The following PTGFR variants were observed in gnomAD, a reference collection of about 807,000 sequenced individuals.
PTGFR encodes the protein prostaglandin F receptor, also known as prostaglandin F2-alpha receptor.
In PTGFR, 15 loss-of-function variants were observed where a neutral mutation model predicts 26.2. That is an observed-to-expected ratio of 0.57 (90% CI 0.38 to 0.88). The LOEUF (loss-of-function observed/expected upper bound fraction) is 0.88. Among genes scored for constraint, PTGFR ranks in the 40% least tolerant of loss-of-function variants. The pLI, the probability that PTGFR is intolerant of heterozygous loss-of-function variation, is 0.00. For synonymous variants in PTGFR, 165 were observed against 151.1 expected (o/e 1.09, Z -0.68); for missense variants, 369 against 427.2 (o/e 0.86, Z 1.20).
intron 2 of PTGFR, among the ~76,000 whole-genome samples, chr1:78,529,305 C>A (rs1300098936): frequency 6.6e-6 from 1 of 152,120 alleles, no homozygotes; most frequent in African/African-American, 2.4e-5. Context: ...CAACTAATTA[C>A]TGGACTAGTT....
intron 2 of PTGFR, chr1:78,532,081 A>G: frequency 3.2e-6 from 1 of 310,684 alleles, no homozygotes. Flanking sequence ...AGGGAAGGGC[A>G]GGGAACATGG....
chr1:78,528,679 C>T (rs746099073), intron 2 of PTGFR, among the ~76,000 whole-genome samples: 2 of 152,064 alleles, frequency 1.3e-5, no homozygotes, highest in African/African-American at 2.4e-5. Flanking sequence ...ACACTCTTCT[C>T]ATTTAAAACT....
Position 78,538,468 on chromosome 1 carries a change from A to G in PTGFR, c.*1781A>G, listed in dbSNP as rs1650710720. The G allele has an allele frequency of 6.6e-6, 1 of 151,764 alleles. No individual in the cohort carries two copies. The highest frequency in any genetic ancestry group is 1.5e-5 in the Non-Finnish European group (1 of 67,940). 9.4% of individuals were successfully genotyped at this position (151,764 alleles called of 1,614,324 possible). A position where few individuals can be genotyped will look rare whatever the true frequency, so the allele number is the denominator to read the frequency against. ...GGAGGGTTATCTATGTTATCTGAGT[A>G]TATGTTTGGGTAACCAAATTGGTCT... On this transcript the variant is annotated 3_prime_UTR_variant, in exon 3 of 3. Coordinates refer to ENST00000370757, the MANE Select transcript of PTGFR (RefSeq NM_000959.4).
intron 2 of PTGFR, chr1:78,532,364 TTATATATATATATATATATATATA>T (rs200848855): frequency 3.5e-5 from 3 of 85,226 alleles, no homozygotes; most frequent in South Asian, 5.1e-4. Flanking sequence ...GTAAATTCAT[TTATATATATATATATATATATATA>T]TATATATATG....
chr1:78,521,703 GC>G (rs1465853585), intron 2 of PTGFR, among the ~76,000 whole-genome samples: 1 of 151,804 alleles, frequency 6.6e-6, no homozygotes, highest in African/African-American at 2.4e-5. Context: ...GTTTCTTATA[GC>G]ATTGTCAATA....
chr1:78,509,455 A>G (rs1055428682), intron 2 of PTGFR, among the ~76,000 whole-genome samples: 6 of 152,242 alleles, frequency 3.9e-5, no homozygotes, highest in Non-Finnish European at 8.8e-5. Context: ...AGAATTGCAT[A>G]TAAAGAACTG....
In PTGFR at chr1:78,515,125, A is replaced by G. The variant is rs115339603; in HGVS notation, c.799-21281A>G. Among the ~76,000 whole-genome samples, 349 of 152,250 alleles carry G rather than the reference A, an allele frequency of 2.3e-3. 2 individuals are homozygous for G. Among genetic ancestry groups the G allele is most frequent in the African/African-American group, 7.5e-3 (312 of 41,540 alleles). On this transcript the variant is annotated intron_variant, in intron 2 of 2. Transcript: ENST00000370757. ...GACATAAGATTTGGAGAGGACAAAC[A>G]TCTAAACTATATTGATAAAGTTTTC...
intron 2 of PTGFR, among the ~76,000 whole-genome samples, chr1:78,509,176 C>A (rs1367946033): frequency 6.6e-6 from 1 of 152,150 alleles, no homozygotes; most frequent in African/African-American, 2.4e-5. Flanking sequence ...TCTGCTAAAT[C>A]AGAAAGGAAT....
chr1:78,519,037 G>T (rs1269417727), intron 2 of PTGFR, among the ~76,000 whole-genome samples: 1 of 152,064 alleles, frequency 6.6e-6, no homozygotes, highest in Admixed American at 6.6e-5. Flanking sequence ...AACTGTTTAG[G>T]TTTCCTAATT....
chr1:78,514,186 C>A (rs1451508073), intron 2 of PTGFR, among the ~76,000 whole-genome samples: 1 of 152,214 alleles, frequency 6.6e-6, no homozygotes, highest in East Asian at 1.9e-4. Context: ...GGTACAGCCA[C>A]TGTTTGCTTG....
intron 2 of PTGFR, 101 bp downstream of exon 2, chr1:78,493,642 A>G (rs1357485493): frequency 5.1e-6 from 6 of 1,187,000 alleles, no homozygotes; most frequent in Non-Finnish European, 2.3e-6. Flanking sequence ...AATGATCCCT[A>G]CTCAAAATTT....
intron 2 of PTGFR, among the ~76,000 whole-genome samples, chr1:78,504,561 T>A (rs982567683): frequency 2.0e-5 from 3 of 152,188 alleles, no homozygotes; most frequent in Admixed American, 2.0e-4. Flanking sequence ...AGTATTTGAG[T>A]TTACAAAAGT....
At chr1:78,508,028 A>G (rs1359836134) in intron 2 of PTGFR, among the ~76,000 whole-genome samples, 2 of 152,202 alleles carry the variant, frequency 1.3e-5, no homozygotes, top group East Asian at 1.9e-4. Context: ...TTATGGGATT[A>G]TCTTTGGAAT....
At chr1:78,531,107 G>A (rs1650495864) in intron 2 of PTGFR, among the ~76,000 whole-genome samples, 1 of 152,128 alleles carries the variant, frequency 6.6e-6, no homozygotes, top group Non-Finnish European at 1.5e-5. Flanking sequence ...CCATCCCTGT[G>A]GCTGGAGGTT....
At position 78,539,012 on chromosome 1, in the gene PTGFR, A is replaced by G. The variant is rs1650727893; in HGVS notation, c.*2325A>G. The G allele has an allele frequency of 6.6e-6, 1 of 152,102 alleles. No homozygotes were observed. Among genetic ancestry groups the G allele is most frequent in the South Asian group, 2.1e-4 (1 of 4,832 alleles). The allele number at this position is 152,102 out of a possible 1,614,324, so 9.4% of individuals were successfully genotyped here. On this transcript the variant is annotated 3_prime_UTR_variant, in exon 3 of 3. Coordinates refer to ENST00000370757, the MANE Select transcript of PTGFR (RefSeq NM_000959.4). The stretch of plus-strand genomic sequence containing the variant: ...GGTGTTAGTGAATTTTTCTAAAAAG[A>G]TGAGACAAAAGCAAAAATATCACAC...
At chr1:78,526,129 T>A (rs904948632) in intron 2 of PTGFR, among the ~76,000 whole-genome samples, 1 of 152,044 alleles carries the variant, frequency 6.6e-6, no homozygotes, top group Non-Finnish European at 1.5e-5. Flanking sequence ...CTGCCCAACA[T>A]TGCAAGAATT....
intron 2 of PTGFR, among the ~76,000 whole-genome samples, chr1:78,503,223 G>A (rs1289028336): frequency 1.4e-5 from 2 of 146,836 alleles, no homozygotes; most frequent in East Asian, 1.9e-4. Context: ...TAAAATATGA[G>A]TAGAAAAATT....
Position 78,493,027 on chromosome 1 carries a change from A to T in PTGFR, c.284A>T (p.Asp95Val). The change falls in exon 2 of 3, where the codon GAT becomes GTT. Residue 95 changes from aspartate (D) to valine (V), a missense_variant. Physicochemically the swap from Asp to Val is radical, Grantham distance 152. Transcript: ENST00000370757. Reference protein sequence around the residue: ...GAIAVFVYASDKEWIRFDQSN... With the variant: ...GAIAVFVYASVKEWIRFDQSN... The stretch of plus-strand genomic sequence containing the variant: ...ATAGCAGTATTTGTATATGCTTCTG[A>T]TAAAGAATGGATCCGCTTTGACCAA... 6.2e-7 allele frequency: 1 copy of T among 1,614,236 alleles called. No homozygotes were observed. Among genetic ancestry groups the T allele is most frequent in the Non-Finnish European group, 8.5e-7 (1 of 1,180,044 alleles).
chr1:78,498,334 G>T (rs1274277025), intron 2 of PTGFR, among the ~76,000 whole-genome samples: 1 of 152,018 alleles, frequency 6.6e-6, no homozygotes, highest in Admixed American at 6.5e-5. Flanking sequence ...GTGGATATAT[G>T]TTTATATATT....
Sources: allele counts gnomAD v4.1 joint callset (sites outside exome capture counted in the v4.1 genomes callset), GRCh38; gene constraint gnomAD v4.1.1; transcripts MANE v1.5; gene names NCBI Gene and HGNC (gene_info 2026-07-23, HGNC 2026-07-21).